The following TRPV3 variants were observed in gnomAD, a reference collection of about 807,000 sequenced individuals.
TRPV3 encodes the protein transient receptor potential cation channel subfamily V member 3.
TRPV3 carries 88 observed loss-of-function variants against 87.1 expected under a neutral mutation model. The ratio of observed to expected loss-of-function variants is 1.01; its 90% CI spans 0.85 to 1.21. The LOEUF (loss-of-function observed/expected upper bound fraction) is 1.21. Among genes scored for constraint, TRPV3 ranks in the 50% most tolerant of loss-of-function variants. The probability of loss-of-function intolerance (pLI) is 0.00; values close to 1 mark genes in which losing one functional copy is unlikely to be tolerated. For synonymous variants in TRPV3, 438 were observed against 423.3 expected (o/e 1.03, Z -0.43); for missense variants, 1,054 against 1,030.1 (o/e 1.02, Z -0.32).
At chr17:3,524,643 C>A (rs1424062385) in intron 12 of TRPV3, among the ~76,000 whole-genome samples, 1 of 151,762 alleles carries the variant, frequency 6.6e-6, no homozygotes, top group Non-Finnish European at 1.5e-5. Context: ...GCAGAAGATT[C>A]TAGGGTACTG....
At chr17:3,550,430 T>G (rs1267875179) in intron 2 of TRPV3, among the ~76,000 whole-genome samples, 1 of 151,608 alleles carries the variant, frequency 6.6e-6, no homozygotes, top group African/African-American at 2.4e-5. Context: ...CATCACTCCA[T>G]AGTGTCCTCG....
At chr17:3,517,612 C>A (rs2074194286) in intron 15 of TRPV3, among the ~76,000 whole-genome samples, 3 of 130,526 alleles carry the variant, frequency 2.3e-5, no homozygotes, top group South Asian at 2.7e-4. Context: ...AGAGCAAGAC[C>A]CTGTCTCAAA....
At chr17:3,533,608 C>T (rs1272169667) in intron 7 of TRPV3, among the ~76,000 whole-genome samples, 2 of 151,614 alleles carry the variant, frequency 1.3e-5, no homozygotes, top group Admixed American at 1.3e-4. Context: ...AAGCTATTCT[C>T]CTGCCTCAGC....
Position 3,528,875 on chromosome 17 carries a change from G to A in TRPV3, c.1363C>T (p.Leu455=), listed in dbSNP as rs1279523516. Residue 455 remains leucine (L), a synonymous_variant, in exon 10 of 18, where the codon CTG becomes TTG. Coordinates refer to ENST00000576742, the MANE Select transcript of TRPV3 (RefSeq NM_145068.4). This position sits in a 1 kb window ranked among gnomAD's most constrained non-coding sequence, Gnocchi z 4.2. ...GGGCGGTAGTACGAGACGAGGGTCA[G>A]GGTGATGTTGTAGAAGAAATAAAAG... The part of the protein sequence containing the change: ...FCFYFFYNIT[L]TLVSYYRPRE... The A allele has an allele frequency of 1.2e-6, 2 of 1,614,214 alleles. No individual in the cohort carries two copies. Among genetic ancestry groups the A allele is most frequent in the South Asian group, 2.2e-5 (2 of 91,082 alleles).
At chr17:3,527,677 G>A in intron 11 of TRPV3, 1 of 338,356 alleles carries the variant, frequency 3.0e-6, no homozygotes, top group Non-Finnish European at 5.6e-6. Flanking sequence ...AGGATGGTCG[G>A]TAAGGATGAG....
intron 9 of TRPV3, 133 bp downstream of exon 9, chr17:3,529,894 G>T: frequency 1.0e-6 from 1 of 995,058 alleles, no homozygotes; most frequent in Non-Finnish European, 1.4e-6. Flanking sequence ...TGCTCACTGA[G>T]GCAACAGAGT....
chr17:3,533,795 T>A (rs1297147483), intron 7 of TRPV3, among the ~76,000 whole-genome samples: 3 of 152,146 alleles, frequency 2.0e-5, no homozygotes, highest in Admixed American at 1.3e-4. Context: ...CTGCACTCGG[T>A]CTACTTTGTA....
chr17:3,538,508 T>G (rs2074428714), intron 6 of TRPV3, among the ~76,000 whole-genome samples: 1 of 151,936 alleles, frequency 6.6e-6, no homozygotes, highest in Non-Finnish European at 1.5e-5. Flanking sequence ...TGTACACCGT[T>G]GTGGGGAGAG....
intron 6 of TRPV3, 38 bp from the exon 7 acceptor site, chr17:3,535,751 C>T (rs1358066357): frequency 7.0e-7 from 1 of 1,430,680 alleles, no homozygotes; most frequent in East Asian, 2.8e-5. Context: ...GCCTCAGCGC[C>T]GGGCACAGGG....
rs1279523516 is a variant in TRPV3, at chr17:3,528,875, G to C, written c.1363C>G (p.Leu455Val). The C allele has an allele frequency of 6.2e-7, 1 of 1,614,214 alleles. No individual in the cohort carries two copies. The highest frequency in any genetic ancestry group is 1.1e-5 in the South Asian group (1 of 91,082). The change falls in exon 10 of 18, where the codon CTG (leucine) becomes GTG (valine). Residue 455 changes from leucine to valine, a missense_variant. Coordinates refer to ENST00000576742, the MANE Select transcript of TRPV3 (RefSeq NM_145068.4). This position sits in a 1 kb window ranked among gnomAD's most constrained non-coding sequence, Gnocchi z 4.2. ...FCFYFFYNIT[L>V]TLVSYYRPRE... is the part of the protein sequence containing the mutation. ...GGGCGGTAGTACGAGACGAGGGTCA[G>C]GGTGATGTTGTAGAAGAAATAAAAG...
intron 9 of TRPV3, among the ~76,000 whole-genome samples, chr17:3,529,374 T>C (rs2074328752): frequency 6.6e-6 from 1 of 152,070 alleles, no homozygotes; most frequent in Non-Finnish European, 1.5e-5. Context: ...ATAAAACTGC[T>C]AACAATCCCT....
chr17:3,539,886 T>G (rs2074443116), intron 6 of TRPV3, among the ~76,000 whole-genome samples: 1 of 152,006 alleles, frequency 6.6e-6, no homozygotes, highest in Non-Finnish European at 1.5e-5. Context: ...CTTAGCAGCA[T>G]AGGGAGGAAA....
At chr17:3,523,642 C>T (rs1167604536) in intron 13 of TRPV3, among the ~76,000 whole-genome samples, 1 of 149,684 alleles carries the variant, frequency 6.7e-6, no homozygotes, top group African/African-American at 2.5e-5. Flanking sequence ...TGCTTGAACC[C>T]AGGAGGCAGA....
chr17:3,534,168 A>T (rs1348266784), intron 7 of TRPV3, among the ~76,000 whole-genome samples: 1 of 152,126 alleles, frequency 6.6e-6, no homozygotes, highest in Non-Finnish European at 1.5e-5. Context: ...ACACACGATG[A>T]ACTGGACAAG....
rs547743528 is a variant in TRPV3, at chr17:3,513,918, T to C, written c.2372A>G (p.Ter791TrpextTer27). 10 of 1,613,936 alleles carry C rather than the reference T, an allele frequency of 6.2e-6. No individual in the cohort carries two copies. In the East Asian group the frequency reaches 1.6e-4, roughly 25 times the overall value. The change falls in exon 18 of 18, where the codon TAG (stop) becomes TGG (tryptophan). Residue 791 changes from the stop codon to tryptophan, a stop_lost. Transcript: ENST00000576742. ...EVEEFPETSV[*>W] ...GCACACCAGCTCTGGGTTCCGCTTC[T>C]ACACCGAGGTTTCCGGGAATTCCTC...
At chr17:3,516,684 G>T (rs935631285) in intron 15 of TRPV3, 115 bp from the exon 16 acceptor site, 1 of 746,342 alleles carries the variant, frequency 1.3e-6, no homozygotes, top group South Asian at 1.6e-5. Context: ...TGCATAGATC[G>T]CAAGGGTTTG....
intron 2 of TRPV3, among the ~76,000 whole-genome samples, chr17:3,550,204 T>G (rs964099190): frequency 6.6e-6 from 1 of 152,100 alleles, no homozygotes; most frequent in African/African-American, 2.4e-5. Flanking sequence ...CTCAGGTGCT[T>G]AAAGCCTTTA....
Position 3,513,725 on chromosome 17 carries a change from G to A in TRPV3, c.*192C>T, listed in dbSNP as rs2074143531. The A allele has an allele frequency of 2.0e-6, 1 of 501,048 alleles. No individual in the cohort carries two copies. 31.0% of individuals were successfully genotyped at this position (501,048 alleles called of 1,614,324 possible). ...TTTGCCAAGTAACAAAATCCAGGAT[G>A]TTTCCCACTCAGACAAATTGACAAC... On this transcript the variant is annotated 3_prime_UTR_variant, in exon 18 of 18. Coordinates refer to ENST00000576742, the MANE Select transcript of TRPV3 (RefSeq NM_145068.4).
intron 2 of TRPV3, among the ~76,000 whole-genome samples, chr17:3,547,908 A>T (rs2074541444): frequency 6.6e-6 from 1 of 152,196 alleles, no homozygotes; most frequent in African/African-American, 2.4e-5. Context: ...CTTCAGACAC[A>T]CCCACAAACA....
Sources: allele counts gnomAD v4.1 joint callset (sites outside exome capture counted in the v4.1 genomes callset), GRCh38; gene constraint gnomAD v4.1.1; non-coding constraint Gnocchi (gnomAD v3.1); transcripts MANE v1.5; gene names NCBI Gene and HGNC (gene_info 2026-07-23, HGNC 2026-07-21).